CDK6: variants seen among roughly 807,000 people sequenced by gnomAD.
CDK6 encodes the protein cyclin-dependent kinase 6.
A neutral mutation model predicts 37.1 loss-of-function variants in CDK6; 6 were observed. The ratio of observed to expected loss-of-function variants is 0.16; its 90% CI spans 0.09 to 0.32. CDK6 has a LOEUF of 0.32. Ranked by LOEUF, CDK6 falls within the 10% of genes least tolerant of loss-of-function variation. CDK6 has a pLI of 1.00. For synonymous variants in CDK6, 160 were observed against 161.3 expected, an observed-to-expected ratio of 0.99 and a Z score of 0.06; for missense variants, 224 against 418.9, an observed-to-expected ratio of 0.53 and a Z score of 4.06.
Position 92,729,609 on chromosome 7 carries a change from A to G in CDK6, c.370-3816T>C, listed in dbSNP as rs550215385. On this transcript the variant is annotated intron_variant, in intron 3 of 7. Transcript: ENST00000424848. ...CTCTGGACCTTTCTGAATACAAGAA[A>G]TCCTTGAAGTCTTGTAATTGTTTCT... Among the ~76,000 whole-genome samples the G allele has an allele frequency of 1.4e-3, 219 of 152,324 alleles. 1 individual carries two copies. Among genetic ancestry groups the G allele is most frequent in the African/African-American group, 4.8e-3 (199 of 41,570 alleles).
chr7:92,768,019 A>T (rs938210265), intron 3 of CDK6, among the ~76,000 whole-genome samples: 2 of 152,160 alleles, frequency 1.3e-5, no homozygotes, highest in African/African-American at 4.8e-5. Context: ...ACATTATAAT[A>T]ACCAATACTG....
chr7:92,630,087 C>A (rs1796018635), intron 5 of CDK6, among the ~76,000 whole-genome samples: 1 of 152,028 alleles, frequency 6.6e-6, no homozygotes, highest in Non-Finnish European at 1.5e-5. Flanking sequence ...GGGAGGGACA[C>A]AAACATTCAG....
intron 5 of CDK6, among the ~76,000 whole-genome samples, chr7:92,629,257 C>T (rs933138068): frequency 6.6e-6 from 1 of 152,054 alleles, no homozygotes; most frequent in African/African-American, 2.4e-5. Flanking sequence ...GTGCTGGCAT[C>T]CCTGTCCATA....
At chr7:92,660,852 C>T (rs1003327595) in intron 5 of CDK6, among the ~76,000 whole-genome samples, 1 of 152,106 alleles carries the variant, frequency 6.6e-6, no homozygotes, top group Admixed American at 6.5e-5. Flanking sequence ...TAGATGGGTT[C>T]AGTGAAGAAA....
chr7:92,626,222 TA>T (rs1164872634), intron 5 of CDK6, among the ~76,000 whole-genome samples: 1 of 151,846 alleles, frequency 6.6e-6, no homozygotes, highest in East Asian at 1.9e-4. Flanking sequence ...AATACACATA[TA>T]AAAAATATAA....
At chr7:92,655,911 C>T (rs1796684977) in intron 5 of CDK6, among the ~76,000 whole-genome samples, 1 of 152,246 alleles carries the variant, frequency 6.6e-6, no homozygotes, top group Non-Finnish European at 1.5e-5. Context: ...AAGCAGCCAA[C>T]AACTCTTAAA....
At chr7:92,644,099 G>A (rs1796384088) in intron 5 of CDK6, among the ~76,000 whole-genome samples, 1 of 152,158 alleles carries the variant, frequency 6.6e-6, no homozygotes, top group African/African-American at 2.4e-5. Flanking sequence ...TCTGTGCAGT[G>A]GTCAGATGTG....
chr7:92,742,118 T>C lies in CDK6; in HGVS notation c.370-16325A>G, dbSNP rs531146677. Among the ~76,000 whole-genome samples the C allele has an allele frequency of 1.4e-4, 22 of 152,326 alleles. 1 individual carries two copies. In the East Asian group the frequency reaches 3.1e-3, roughly 21 times the overall value. On this transcript the variant is annotated intron_variant, in intron 3 of 7. Coordinates refer to ENST00000424848, the MANE Select transcript of CDK6 (RefSeq NM_001145306.2). ...GTTTTTAAGATTTACTCAGTTTGTT[T>C]AAAATATTTTAGAATGAAAACTAAA...
intron 2 of CDK6, among the ~76,000 whole-genome samples, chr7:92,799,806 G>A (rs1321499055): frequency 2.6e-5 from 4 of 152,156 alleles, no homozygotes; most frequent in Non-Finnish European, 1.5e-5. Flanking sequence ...CTTTAAGAAT[G>A]CCACAGGTTT....
intron 4 of CDK6, among the ~76,000 whole-genome samples, chr7:92,692,402 T>C (rs1797618464): frequency 6.6e-6 from 1 of 152,246 alleles, no homozygotes; most frequent in Admixed American, 6.5e-5. Context: ...GTGCCTGTTT[T>C]ACTCCAAAGA....
At chr7:92,717,372 G>T (rs1798252439) in intron 4 of CDK6, among the ~76,000 whole-genome samples, 1 of 144,292 alleles carries the variant, frequency 6.9e-6, no homozygotes, top group Non-Finnish European at 1.5e-5. Context: ...AAGGGAAAGG[G>T]GAAGGAGAAG....
intron 2 of CDK6, among the ~76,000 whole-genome samples, chr7:92,822,372 T>C (rs1801196306): frequency 6.6e-6 from 1 of 152,138 alleles, no homozygotes; most frequent in Non-Finnish European, 1.5e-5. Flanking sequence ...TTACTACCTA[T>C]TAGAGACTAC....
At chr7:92,695,789 C>T (rs531369883) in intron 4 of CDK6, among the ~76,000 whole-genome samples, 1 of 152,316 alleles carries the variant, frequency 6.6e-6, no homozygotes, top group African/African-American at 2.4e-5. Context: ...CTCAGGACGG[C>T]AGGCTTTAAA....
At chr7:92,686,692 A>C (rs1250064666) in intron 4 of CDK6, among the ~76,000 whole-genome samples, 1 of 152,134 alleles carries the variant, frequency 6.6e-6, no homozygotes, top group East Asian at 1.9e-4. Flanking sequence ...TTAGTTCTTT[A>C]AGGAATCTCC....
At chr7:92,777,406 C>T (rs141753328) in intron 2 of CDK6, among the ~76,000 whole-genome samples, 50 of 152,250 alleles carry the variant, frequency 3.3e-4, no homozygotes, top group African/African-American at 1.1e-3. Flanking sequence ...GCCACCACGC[C>T]CAGCTAATTT....
intron 3 of CDK6, among the ~76,000 whole-genome samples, chr7:92,743,925 G>A (rs373824935): frequency 6.6e-6 from 1 of 152,146 alleles, no homozygotes; most frequent in African/African-American, 2.4e-5. Flanking sequence ...AGACTGGAAT[G>A]TTCTGTATCT....
chr7:92,645,141 T>C (rs1796416100), intron 5 of CDK6, among the ~76,000 whole-genome samples: 1 of 152,220 alleles, frequency 6.6e-6, no homozygotes, highest in Non-Finnish European at 1.5e-5. Context: ...ATGAACCTTC[T>C]GGTTAATTTG....
At chr7:92,633,370 G>A (rs1384994250) in intron 5 of CDK6, among the ~76,000 whole-genome samples, 1 of 151,892 alleles carries the variant, frequency 6.6e-6, no homozygotes, top group African/African-American at 2.4e-5. Context: ...ATTTGAATAG[G>A]GTTTTTTGTT....
chr7:92,818,632 T>TA (rs1801088222), intron 2 of CDK6, among the ~76,000 whole-genome samples: 2 of 151,916 alleles, frequency 1.3e-5, no homozygotes, highest in Non-Finnish European at 2.9e-5. Context: ...CTGTTTGACA[T>TA]AAAGCATTAA....
Sources: allele counts gnomAD v4.1 joint callset (sites outside exome capture counted in the v4.1 genomes callset), GRCh38; gene constraint gnomAD v4.1.1; transcripts MANE v1.5; gene names NCBI Gene and HGNC (gene_info 2026-07-23, HGNC 2026-07-21).